The following DLGAP2 variants were observed in gnomAD, a reference collection of about 807,000 sequenced individuals.
DLGAP2 encodes disks large-associated protein 2.
DLGAP2 carries 26 observed loss-of-function variants against 100.3 expected under a neutral mutation model. The observed-to-expected ratio is 0.26, with a 90% CI of 0.19 to 0.36. The LOEUF (loss-of-function observed/expected upper bound fraction) is 0.36, where lower values mean the gene tolerates loss of function less well. Ranked by LOEUF, DLGAP2 falls within the 10% of genes least tolerant of loss-of-function variation. DLGAP2 has a pLI of 1.00. For synonymous variants in DLGAP2, 886 were observed against 630.1 expected (o/e 1.41, Z -6.08); for missense variants, 1,858 against 1,453.2 (o/e 1.28, Z -4.53).
At chr8:1,530,727 G>C (rs1398846967) in intron 4 of DLGAP2, among the ~76,000 whole-genome samples, 1 of 152,166 alleles carries the variant, frequency 6.6e-6, no homozygotes, top group Non-Finnish European at 1.5e-5. Context: ...CACAATCCAC[G>C]TTCTTCTGCC....
chr8:948,237 T>C (rs1033066754), intron 2 of DLGAP2, among the ~76,000 whole-genome samples: 1 of 152,078 alleles, frequency 6.6e-6, no homozygotes, highest in Non-Finnish European at 1.5e-5. Context: ...AGGTGGAGGC[T>C]CCCCCTACGG....
chr8:1,239,979 T>TTGTCTAGTTCTCTCTCACACAGAGCATCG (rs1563273429), intron 2 of DLGAP2, among the ~76,000 whole-genome samples: 3 of 98,256 alleles, frequency 3.1e-5, no homozygotes, highest in African/African-American at 1.1e-4. Flanking sequence ...ACATAGCGTC[T>TTGTCTAGTTCTCTCTCACACAGAGCATCG]TGTCTAGTTC....
At chr8:1,512,386 C>T (rs1800196558) in intron 4 of DLGAP2, among the ~76,000 whole-genome samples, 1 of 152,202 alleles carries the variant, frequency 6.6e-6, no homozygotes, top group Non-Finnish European at 1.5e-5. Flanking sequence ...ACGGTTCAGA[C>T]AAATGGTGGA....
At chr8:1,307,805 C>T (rs542743013) in intron 3 of DLGAP2, among the ~76,000 whole-genome samples, 111 of 152,160 alleles carry the variant, frequency 7.3e-4, no homozygotes, top group African/African-American at 2.6e-3. Flanking sequence ...ACATGAGGTA[C>T]GAAAGCAGTC....
chr8:1,565,326 C>G (rs1012491308), intron 5 of DLGAP2, among the ~76,000 whole-genome samples: 1 of 147,364 alleles, frequency 6.8e-6, no homozygotes, highest in African/African-American at 2.5e-5. Context: ...TCCTTTTCTT[C>G]TCTGTTCAGT....
intron 2 of DLGAP2, among the ~76,000 whole-genome samples, chr8:1,164,396 C>T (rs1048355086): frequency 3.3e-5 from 5 of 152,070 alleles, no homozygotes; most frequent in African/African-American, 1.2e-4. Context: ...CTCCCAGGGC[C>T]CGTCGTTTTG....
Position 1,235,919 on chromosome 8 carries a change from C to T in DLGAP2, c.74-22932C>T, listed in dbSNP as rs1241703774. Among the ~76,000 whole-genome samples the T allele has an allele frequency of 2.6e-4, 2 of 7,550 alleles. 1 individual carries two copies. Among genetic ancestry groups the T allele is most frequent in the Non-Finnish European group, 6.2e-4 (2 of 3,250 alleles). 5.0% of individuals were successfully genotyped at this position (7,550 alleles called of 152,430 possible). On this transcript the variant is annotated intron_variant, in intron 2 of 14. Transcript: ENST00000637795. ...CGCCGTGTCTAGTTCTCTCACATGG[C>T]GCCGTGTCTAGTTCTCTCACATGGC...
At position 1,549,639 on chromosome 8, in the gene DLGAP2, C is replaced by T. The variant is rs1801692121; in HGVS notation, c.1186C>T (p.His396Tyr). 6.3e-7 allele frequency: 1 copy of T among 1,581,118 alleles called. No homozygotes were observed. Among genetic ancestry groups the T allele is most frequent in the Non-Finnish European group, 8.6e-7 (1 of 1,164,656 alleles). Reference protein sequence around the residue: ...SSLNLDKPLLHQDAKPALRPC... With the variant: ...SSLNLDKPLLYQDAKPALRPC... ...GCTGAACCTGGACAAGCCGCTGCTG[C>T]ACCAGGACGCCAAGCCCGCCCTGAG... The change falls in exon 5 of 15, where the codon CAC becomes TAC. Residue 396 changes from histidine (H) to tyrosine (Y), a missense_variant. By Grantham distance (83) the His-to-Tyr change is moderately conservative (BLOSUM62 2). Transcript: ENST00000637795.
intron 2 of DLGAP2, among the ~76,000 whole-genome samples, chr8:1,056,088 C>G (rs906447010): frequency 6.6e-6 from 1 of 152,176 alleles, no homozygotes; most frequent in African/African-American, 2.4e-5. Context: ...AGTAAGCATT[C>G]AGTTGTATGA....
intron 2 of DLGAP2, among the ~76,000 whole-genome samples, chr8:1,165,816 A>G (rs1282041368): frequency 6.6e-6 from 1 of 151,960 alleles, no homozygotes; most frequent in Non-Finnish European, 1.5e-5. Flanking sequence ...TTCTTTGGCT[A>G]TCATTTCTTA....
chr8:1,229,890 A>G (rs1241052713), intron 2 of DLGAP2, among the ~76,000 whole-genome samples: 1 of 152,212 alleles, frequency 6.6e-6, no homozygotes, highest in South Asian at 2.1e-4. Context: ...AGTGCCACCT[A>G]TGACAAACCC....
intron 2 of DLGAP2, among the ~76,000 whole-genome samples, chr8:959,757 C>T (rs1584925225): frequency 1.3e-5 from 2 of 152,172 alleles, no homozygotes; most frequent in Admixed American, 1.3e-4. Context: ...GTCCATCTGA[C>T]ATTCACTTTT....
chr8:1,591,667 G>A lies in DLGAP2; in HGVS notation c.1442+25773G>A, dbSNP rs114504857. Among the ~76,000 whole-genome samples the A allele has an allele frequency of 8.9e-3, 1,350 of 152,218 alleles. 19 individuals are homozygous for A. The highest frequency in any genetic ancestry group is 0.028 in the African/African-American group (1,161 of 41,532). ...TACTTGACCTGCAGGAAATATGCGT[G>A]TGATTGCTCTACCCAAAGGCATGTG... On this transcript the variant is annotated intron_variant, in intron 6 of 14. Coordinates refer to ENST00000637795, the MANE Select transcript of DLGAP2 (RefSeq NM_001346810.2).
chr8:1,453,768 A>G (rs1260320803), intron 3 of DLGAP2, among the ~76,000 whole-genome samples: 1 of 152,236 alleles, frequency 6.6e-6, no homozygotes, highest in African/African-American at 2.4e-5. Flanking sequence ...AATAGTAACC[A>G]GCAGGAGTTT....
chr8:802,110 A>AGTCTGCACC (rs1796175193), intron 1 of DLGAP2, among the ~76,000 whole-genome samples: 7 of 31,088 alleles, frequency 2.3e-4, no homozygotes, highest in Admixed American at 1.3e-3. Context: ...TGGTCCACAC[A>AGTCTGCACC]CCTCCTGGGC....
intron 2 of DLGAP2, among the ~76,000 whole-genome samples, chr8:930,154 T>G (rs1003657153): frequency 2.6e-5 from 4 of 152,080 alleles, no homozygotes; most frequent in Admixed American, 2.6e-4. Flanking sequence ...TTTGCAGACC[T>G]TAGAAAAGTG....
At chr8:848,883 G>GAATAGGAACGCGCGGTGCCTGTTC (rs1563061840) in intron 1 of DLGAP2, among the ~76,000 whole-genome samples, 2 of 130,958 alleles carry the variant, frequency 1.5e-5, no homozygotes, top group Non-Finnish European at 3.4e-5. Context: ...GTCTGTTCCA[G>GAATAGGAACGCGCGGTGCCTGTTC]CATAGGAACG....
chr8:1,001,350 G>A (rs777655810), intron 2 of DLGAP2, among the ~76,000 whole-genome samples: 32 of 152,130 alleles, frequency 2.1e-4, no homozygotes, highest in Non-Finnish European at 3.8e-4. Flanking sequence ...ATAAGTTTGT[G>A]TTACGTCCAT....
intron 4 of DLGAP2, among the ~76,000 whole-genome samples, chr8:1,513,867 C>G (rs891621434): frequency 4.8e-5 from 1 of 20,656 alleles, no homozygotes; most frequent in South Asian, 4.6e-3. Context: ...GCGGTCGAAC[C>G]TCAGACCCAT....
Sources: gnomAD v4.1 joint callset for allele counts (sites outside exome capture counted in the v4.1 genomes callset) on GRCh38, gnomAD v4.1.1 for gene constraint, MANE v1.5 for transcripts, NCBI Gene and HGNC (gene_info 2026-07-23, HGNC 2026-07-21) for gene names.